EIPR1: variants seen among roughly 807,000 people sequenced by gnomAD.
EIPR1 encodes the protein EARP complex and GARP complex interacting protein 1, also known as EARP and GARP complex-interacting protein 1.
EIPR1 carries 25 observed loss-of-function variants against 48.1 expected under a neutral mutation model. The ratio of observed to expected loss-of-function variants is 0.52; its 90% CI spans 0.38 to 0.73. The LOEUF is 0.73. EIPR1 is among the 30% of genes least tolerant of loss of function. The pLI is 0.00. For synonymous variants in EIPR1, 204 were observed against 201.9 expected (o/e 1.01, Z -0.09); for missense variants, 415 against 506.2 (o/e 0.82, Z 1.73).
chr2:3,199,841 G>A (rs1016344532), intron 5 of EIPR1, among the ~76,000 whole-genome samples: 1 of 150,026 alleles, frequency 6.7e-6, no homozygotes, highest in Non-Finnish European at 1.5e-5. Flanking sequence ...GTGACGGGGT[G>A]TGTCTGCATC....
chr2:3,237,221 T>TACACACACACACACACAC (rs35498711), intron 4 of EIPR1, among the ~76,000 whole-genome samples: 93 of 127,836 alleles, frequency 7.3e-4, no homozygotes, highest in East Asian at 2.2e-3. Flanking sequence ...TTTTGAAAAC[T>TACACACACACACACACAC]ACACACACAC....
At chr2:3,310,627 T>C (rs1156873855) in intron 3 of EIPR1, among the ~76,000 whole-genome samples, 1 of 124,104 alleles carries the variant, frequency 8.1e-6, no homozygotes, top group Non-Finnish European at 1.6e-5. Flanking sequence ...CACTCCAGCC[T>C]GGGCGACAGA....
intron 2 of EIPR1, among the ~76,000 whole-genome samples, chr2:3,351,874 T>A (rs938019969): frequency 2.6e-5 from 4 of 152,220 alleles, no homozygotes; most frequent in African/African-American, 9.6e-5. Flanking sequence ...ATTCCAGAAA[T>A]AAGCAATTCA....
intron 4 of EIPR1, among the ~76,000 whole-genome samples, chr2:3,227,706 G>A (rs999802900): frequency 6.6e-6 from 1 of 152,220 alleles, no homozygotes; most frequent in African/African-American, 2.4e-5. Flanking sequence ...GAAAAAAAAT[G>A]GTTTCACAGG....
chr2:3,248,155 AAG>A (rs1302181220), intron 4 of EIPR1, among the ~76,000 whole-genome samples: 2 of 152,118 alleles, frequency 1.3e-5, no homozygotes, highest in Non-Finnish European at 1.5e-5. Context: ...GGATGTTTAA[AAG>A]AGTCTGGGGT....
At chr2:3,329,154 G>C (rs1205681777) in intron 3 of EIPR1, among the ~76,000 whole-genome samples, 12 of 119,168 alleles carry the variant, frequency 1.0e-4, no homozygotes, top group East Asian at 2.9e-4. Context: ...CTGAATCAGA[G>C]CCCACCCACC....
chr2:3,221,006 A>G (rs1049794269), intron 4 of EIPR1, among the ~76,000 whole-genome samples: 2 of 55,154 alleles, frequency 3.6e-5, no homozygotes, highest in African/African-American at 6.6e-5. Flanking sequence ...TGAGTCAGGA[A>G]CACATGCACA....
chr2:3,238,136 G>T (rs1194312977), intron 4 of EIPR1, among the ~76,000 whole-genome samples: 3 of 152,138 alleles, frequency 2.0e-5, no homozygotes, highest in East Asian at 1.9e-4. Context: ...TTCCATGGAG[G>T]TATATTTTAA....
chr2:3,345,206 G>T (rs1572469264), intron 2 of EIPR1, among the ~76,000 whole-genome samples: 1 of 152,256 alleles, frequency 6.6e-6, no homozygotes, highest in East Asian at 1.9e-4. Context: ...CAGAGAACGG[G>T]GCTGAAGTAC....
rs1353322513 is a variant in EIPR1, at chr2:3,189,165, T to C, written c.*169A>G. ...CGGGCATTAGCTGTGCCGTCGACAA[T>C]AGCCCCATTCACCCCATTCATAAAT... On this transcript the variant is annotated 3_prime_UTR_variant, in exon 9 of 9. Coordinates refer to ENST00000382125, the MANE Select transcript of EIPR1 (RefSeq NM_003310.5). The surrounding 1 kb of genome is among the most constrained non-coding windows in gnomAD (Gnocchi z 4.6). 2 of 635,208 alleles carry C rather than the reference T, an allele frequency of 3.1e-6. No homozygotes were observed. The highest frequency in any genetic ancestry group is 4.9e-6 in the Non-Finnish European group (2 of 406,934). 39.3% of individuals were successfully genotyped at this position (635,208 alleles called of 1,614,324 possible). A position where few individuals can be genotyped will look rare whatever the true frequency, so the allele number is the denominator to read the frequency against.
intron 1 of EIPR1, among the ~76,000 whole-genome samples, chr2:3,358,823 T>C (rs1670792300): frequency 1.3e-5 from 2 of 152,130 alleles, no homozygotes; most frequent in African/African-American, 2.4e-5. Flanking sequence ...AGGTCCACCT[T>C]CAGACAAGAA....
chr2:3,255,859 G>A (rs1667139855), intron 4 of EIPR1, among the ~76,000 whole-genome samples: 1 of 152,126 alleles, frequency 6.6e-6, no homozygotes, highest in Non-Finnish European at 1.5e-5. Context: ...AAGCACAAAT[G>A]TGTGCACATG....
chr2:3,268,636 T>A (rs550832340), intron 3 of EIPR1, among the ~76,000 whole-genome samples: 1 of 152,172 alleles, frequency 6.6e-6, no homozygotes, highest in South Asian at 2.1e-4. Context: ...CCTGACCTCA[T>A]CCACAAAGAC....
rs139113614 is a variant in EIPR1 at position 3,322,681 on chromosome 2, G to C, written c.259+15336C>G. 6.1e-3 allele frequency among the ~76,000 whole-genome samples: 928 copies of C among 152,294 alleles called. 11 individuals are homozygous for C. Among genetic ancestry groups the C allele is most frequent in the African/African-American group, 0.021 (882 of 41,564 alleles). ...TCCCTCGCACACACATCTGCCTTTG[G>C]CTGAACAGAGAGGCCACAGGGTCCG... is the stretch of plus-strand genomic sequence containing the variant. On this transcript the variant is annotated intron_variant, in intron 3 of 8. Coordinates refer to ENST00000382125, the MANE Select transcript of EIPR1 (RefSeq NM_003310.5).
intron 4 of EIPR1, among the ~76,000 whole-genome samples, chr2:3,253,693 C>A (rs1007715019): frequency 1.3e-5 from 2 of 152,228 alleles, no homozygotes; most frequent in African/African-American, 4.8e-5. Flanking sequence ...CACACTGGGT[C>A]ATAAGGCTCT....
intron 1 of EIPR1, among the ~76,000 whole-genome samples, chr2:3,357,858 A>C (rs1203180015): frequency 6.6e-6 from 1 of 152,240 alleles, no homozygotes; most frequent in Non-Finnish European, 1.5e-5. Context: ...AAAGTTAAAA[A>C]AGGTGAAGAC....
intron 4 of EIPR1, among the ~76,000 whole-genome samples, chr2:3,232,731 A>G (rs1466830621): frequency 6.6e-6 from 1 of 152,174 alleles, no homozygotes; most frequent in Admixed American, 6.5e-5. Context: ...ATAGGCCTGA[A>G]TAGGGTTTGC....
At position 3,267,759 on chromosome 2, in the gene EIPR1, GT is replaced by G. The variant is rs562482340; in HGVS notation, c.260-10305del. ...CTAGCCTGCACCCCATGAGCTAAGAGTGGTTCTGCATTTTTAAAGGGACATA... is the reference window on the plus strand; with the variant it reads ...CTAGCCTGCACCCCATGAGCTAAGAGGGTTCTGCATTTTTAAAGGGACATA... On this transcript the variant is annotated intron_variant, in intron 3 of 8. Transcript: ENST00000382125. Among the ~76,000 whole-genome samples the G allele has an allele frequency of 4.4e-3, 667 of 152,306 alleles. 3 individuals carry two copies. Among genetic ancestry groups the G allele is most frequent in the Non-Finnish European group, 7.6e-3 (518 of 68,018 alleles).
At chr2:3,243,039 G>C (rs1666685509) in intron 4 of EIPR1, among the ~76,000 whole-genome samples, 1 of 152,136 alleles carries the variant, frequency 6.6e-6, no homozygotes, top group Non-Finnish European at 1.5e-5. Context: ...ATGCTTCCTG[G>C]GAACGCTTTC....
Sources: allele counts gnomAD v4.1 joint callset (sites outside exome capture counted in the v4.1 genomes callset), GRCh38; gene constraint gnomAD v4.1.1; non-coding constraint Gnocchi (gnomAD v3.1); transcripts MANE v1.5; gene names NCBI Gene and HGNC (gene_info 2026-07-23, HGNC 2026-07-21).